The following CDC14A variants were observed in gnomAD, a reference collection of about 807,000 sequenced individuals.
CDC14A encodes cell division cycle 14A.
A neutral mutation model predicts 74.4 loss-of-function variants in CDC14A; 53 were observed. The observed-to-expected ratio is 0.71, with a 90% CI of 0.57 to 0.89. The LOEUF is 0.89. Ranked by LOEUF, CDC14A falls within the 40% of genes least tolerant of loss-of-function variation. CDC14A has a pLI of 0.00. For missense variants in CDC14A, 646 were observed against 713.7 expected (o/e 0.91, Z 1.08); for synonymous variants, 247 against 258.4 (o/e 0.96, Z 0.43).
At chr1:100,470,783 AAAG>A (rs1484273659) in intron 10 of CDC14A, among the ~76,000 whole-genome samples, 1 of 152,210 alleles carries the variant, frequency 6.6e-6, no homozygotes, top group African/African-American at 2.4e-5. Flanking sequence ...GGCAAACAAA[AAAG>A]AAGTTTTACT....
chr1:100,351,854 G>T (rs1274479691), upstream of CDC14A: 4 of 1,473,920 alleles, frequency 2.7e-6, no homozygotes, highest in East Asian at 9.8e-5. Flanking sequence ...CTAGGAGCTG[G>T]TGCTTCTTTT....
intron 2 of CDC14A, among the ~76,000 whole-genome samples, chr1:100,373,649 ACTTGT>A (rs1269489985): frequency 1.3e-5 from 2 of 152,064 alleles, no homozygotes; most frequent in Non-Finnish European, 2.9e-5. Context: ...GTTTTTGTTG[ACTTGT>A]CTTGGACTGG....
chr1:100,425,362 A>G (rs894300989), intron 5 of CDC14A, among the ~76,000 whole-genome samples: 5 of 152,180 alleles, frequency 3.3e-5, no homozygotes, highest in Non-Finnish European at 7.3e-5. Flanking sequence ...AGCGAAAGGA[A>G]TGGGAGTGAC....
chr1:100,425,662 T>C (rs1042068836), intron 5 of CDC14A, among the ~76,000 whole-genome samples: 3 of 152,132 alleles, frequency 2.0e-5, no homozygotes, highest in Non-Finnish European at 2.9e-5. Flanking sequence ...TGAATCAACC[T>C]AGAGTCTGAG....
intron 3 of CDC14A, among the ~76,000 whole-genome samples, 190 bp from the exon 4 acceptor site, chr1:100,390,542 T>G (rs1019617264): frequency 2.6e-5 from 4 of 152,216 alleles, no homozygotes; most frequent in Non-Finnish European, 4.4e-5. Context: ...GATTCTTACA[T>G]TATGATTGGG....
chr1:100,517,005 T>C (rs145718750), intron 15 of CDC14A, among the ~76,000 whole-genome samples: 68 of 152,356 alleles, frequency 4.5e-4, no homozygotes, highest in African/African-American at 1.5e-3. Context: ...ATGTTAACTT[T>C]ACACTATGTA....
At chr1:100,460,423 A>G (rs1005259607) in intron 8 of CDC14A, among the ~76,000 whole-genome samples, 3 of 152,100 alleles carry the variant, frequency 2.0e-5, no homozygotes, top group Non-Finnish European at 4.4e-5. Context: ...TGCTAACACA[A>G]CGTGTGACAG....
chr1:100,423,345 C>A (rs1227454126), intron 4 of CDC14A, among the ~76,000 whole-genome samples: 3 of 152,170 alleles, frequency 2.0e-5, no homozygotes, highest in African/African-American at 7.2e-5. Context: ...CATCTAGAGT[C>A]TAGATCTTAC....
At chr1:100,412,700 A>ATATATATATATATATATATATAT (rs1660882204) in intron 4 of CDC14A, among the ~76,000 whole-genome samples, 5 of 92,794 alleles carry the variant, frequency 5.4e-5, no homozygotes, top group Admixed American at 1.1e-4. Context: ...TATGTTTTAT[A>ATATATATATATATATATATATAT]TATATATATA....
At chr1:100,351,141 C>CAG (rs1160021574), upstream of CDC14A, among the ~76,000 whole-genome samples, 1 of 151,900 alleles carries the variant, frequency 6.6e-6, no homozygotes, top group Admixed American at 6.6e-5. Context: ...TTGCAGTGAG[C>CAG]AGAGATTGAG....
intron 6 of CDC14A, 61 bp downstream of exon 6, chr1:100,440,059 T>G: frequency 5.0e-6 from 6 of 1,189,750 alleles, no homozygotes; most frequent in Non-Finnish European, 7.5e-6. Context: ...GAGAAAGGAA[T>G]AATCTCAACA....
intron 5 of CDC14A, 127 bp from the exon 6 acceptor site, chr1:100,439,805 T>C (rs930726544): frequency 9.1e-6 from 6 of 662,950 alleles, no homozygotes; most frequent in South Asian, 1.8e-5. Flanking sequence ...TAATGTATTA[T>C]ATAAGTTTAC....
chr1:100,507,418 C>T (rs1433255642), intron 15 of CDC14A, among the ~76,000 whole-genome samples: 1 of 152,040 alleles, frequency 6.6e-6, no homozygotes, highest in Non-Finnish European at 1.5e-5. Flanking sequence ...TGTGTACTTT[C>T]AATCTTAGGG....
intron 15 of CDC14A, 186 bp downstream of exon 15, chr1:100,499,448 C>T (rs1287717306): frequency 2.0e-5 from 29 of 1,479,640 alleles, no homozygotes; most frequent in African/African-American, 5.6e-5. Context: ...TTCAAGTAAA[C>T]GCCAAGTCAC....
intron 4 of CDC14A, among the ~76,000 whole-genome samples, chr1:100,423,376 C>A (rs1324900334): frequency 6.6e-6 from 1 of 152,168 alleles, no homozygotes; most frequent in Admixed American, 6.5e-5. Context: ...ACCCAGAGAC[C>A]CCTCCCTGAC....
At chr1:100,406,481 A>G (rs558140781) in intron 4 of CDC14A, among the ~76,000 whole-genome samples, 1 of 152,210 alleles carries the variant, frequency 6.6e-6, no homozygotes, top group South Asian at 2.1e-4. Flanking sequence ...ATGGTATTAC[A>G]TAGATTTTCT....
At chr1:100,378,052 A>C (rs534994298) in intron 3 of CDC14A, among the ~76,000 whole-genome samples, 1 of 152,178 alleles carries the variant, frequency 6.6e-6, no homozygotes, top group East Asian at 1.9e-4. Flanking sequence ...AATTTTTTGC[A>C]TGTTTCTTAA....
At chr1:100,422,749 A>C (rs745591603) in intron 4 of CDC14A, among the ~76,000 whole-genome samples, 16 of 152,302 alleles carry the variant, frequency 1.1e-4, no homozygotes, top group African/African-American at 3.8e-4. Flanking sequence ...TTGCCAAATG[A>C]ATATGGGGTT....
At chr1:100,366,859 G>A (rs959759416) in intron 2 of CDC14A, among the ~76,000 whole-genome samples, 148 of 152,282 alleles carry the variant, frequency 9.7e-4, no homozygotes, top group African/African-American at 3.4e-3. Context: ...CCCATAATTT[G>A]CCAATCTTCT....
Sources: gnomAD v4.1 joint callset for allele counts (sites outside exome capture counted in the v4.1 genomes callset) on GRCh38, gnomAD v4.1.1 for gene constraint, MANE v1.5 for transcripts, NCBI Gene and HGNC (gene_info 2026-07-23, HGNC 2026-07-21) for gene names.